The following GLB1L2 variants were observed in gnomAD, a reference collection of about 807,000 sequenced individuals.
GLB1L2 encodes beta-galactosidase-1-like protein 2.
Under a neutral mutation model 84.1 loss-of-function variants are expected in GLB1L2, and 68 were observed. The ratio of observed to expected loss-of-function variants is 0.81; its 90% CI spans 0.67 to 0.99. The LOEUF is 0.99. Ranked by LOEUF, GLB1L2 falls within the 50% of genes least tolerant of loss-of-function variation. The pLI is 0.00. For synonymous variants in GLB1L2, 290 were observed against 318.0 expected, an observed-to-expected ratio of 0.91 and a Z score of 0.94; for missense variants, 762 against 805.6, an observed-to-expected ratio of 0.95 and a Z score of 0.66.
chr11:134,332,176 C>G, intron 1 of GLB1L2, 29 bp downstream of exon 1: 2 of 1,447,734 alleles, frequency 1.4e-6, no homozygotes, highest in Non-Finnish European at 1.9e-6. Context: ...CAGCACCTGC[C>G]GGACCCCACA....
intron 1 of GLB1L2, among the ~76,000 whole-genome samples, 180 bp downstream of exon 1, chr11:134,332,327 C>T (rs952816554): frequency 9.9e-5 from 15 of 152,132 alleles, no homozygotes; most frequent in Non-Finnish European, 1.8e-4. Flanking sequence ...CACTCTACTC[C>T]TGCCGCGCGA....
At chr11:134,345,611 C>T (rs1344586026) in intron 4 of GLB1L2, among the ~76,000 whole-genome samples, 2 of 152,194 alleles carry the variant, frequency 1.3e-5, no homozygotes, top group Non-Finnish European at 2.9e-5. Context: ...GCTAGGGTTA[C>T]AGGTGTGTGC....
Position 134,370,963 on chromosome 11 carries a change from C to G in GLB1L2, c.1216-45C>G, listed in dbSNP as rs576989699. 14 of 1,608,860 alleles carry G rather than the reference C, an allele frequency of 8.7e-6. No individual in the cohort carries two copies. In the South Asian group the frequency reaches 1.6e-4, roughly 18 times the overall value. ...CCCAGGCAGAGTCTGTCTGTGACCC[C>G]ACTCCTCCTGAGCCTGCCCACCCCT... On this transcript the variant is annotated intron_variant, in intron 12 of 18. Transcript: ENST00000535456. This position sits in a 1 kb window ranked among gnomAD's most constrained non-coding sequence, Gnocchi z 4.7.
chr11:134,341,280 C>T (rs765353068), intron 1 of GLB1L2, among the ~76,000 whole-genome samples: 2 of 152,108 alleles, frequency 1.3e-5, no homozygotes, highest in Non-Finnish European at 2.9e-5. Context: ...TGCATTTCTC[C>T]GGGACCCTCA....
intron 7 of GLB1L2, among the ~76,000 whole-genome samples, chr11:134,364,125 C>T (rs1370098622): frequency 7.2e-5 from 11 of 152,188 alleles, no homozygotes; most frequent in Non-Finnish European, 1.5e-5. Flanking sequence ...AAGTGATCCA[C>T]CTGCCTTAGC....
Position 134,370,965 on chromosome 11 carries a change from C to T in GLB1L2, c.1216-43C>T. Reference sequence around the variant, plus strand: ...CAGGCAGAGTCTGTCTGTGACCCCACTCCTCCTGAGCCTGCCCACCCCTCC... The same window carrying T: ...CAGGCAGAGTCTGTCTGTGACCCCATTCCTCCTGAGCCTGCCCACCCCTCC... On this transcript the variant is annotated intron_variant, in intron 12 of 18. Coordinates refer to ENST00000535456, the MANE Select transcript of GLB1L2 (RefSeq NM_001370461.1). The surrounding 1 kb of genome is among the most constrained non-coding windows in gnomAD (Gnocchi z 4.7). 1 of 1,609,602 alleles carries T rather than the reference C, an allele frequency of 6.2e-7. No individual in the cohort carries two copies. Among genetic ancestry groups the T allele is most frequent in the South Asian group, 1.1e-5 (1 of 90,074 alleles).
At chr11:134,332,181 C>T (rs1291524860) in intron 1 of GLB1L2, 34 bp downstream of exon 1, 2 of 1,411,096 alleles carry the variant, frequency 1.4e-6, no homozygotes, top group Admixed American at 2.1e-5. Flanking sequence ...CCTGCCGGAC[C>T]CCACATTCCC....
intron 3 of GLB1L2, among the ~76,000 whole-genome samples, chr11:134,344,809 G>C (rs1383626375): frequency 6.6e-6 from 1 of 152,260 alleles, no homozygotes; most frequent in African/African-American, 2.4e-5. Context: ...CTGAGCCCTG[G>C]GTGTCACCCT....
At chr11:134,332,343 G>T (rs959458727) in intron 1 of GLB1L2, among the ~76,000 whole-genome samples, 196 bp downstream of exon 1, 1 of 152,092 alleles carries the variant, frequency 6.6e-6, no homozygotes, top group Non-Finnish European at 1.5e-5. Flanking sequence ...CGCGATCCAG[G>T]CCTCTGGGCG....
intron 1 of GLB1L2, among the ~76,000 whole-genome samples, chr11:134,337,996 T>C (rs935044479): frequency 1.3e-5 from 2 of 152,196 alleles, no homozygotes; most frequent in African/African-American, 4.8e-5. Flanking sequence ...CAAGGACTTA[T>C]GTTCTGGGAA....
chr11:134,340,444 G>A (rs1486547379), intron 1 of GLB1L2, among the ~76,000 whole-genome samples: 1 of 152,166 alleles, frequency 6.6e-6, no homozygotes, highest in African/African-American at 2.4e-5. Flanking sequence ...CCTGTGTTGC[G>A]GCGGGCAGGT....
intron 13 of GLB1L2, 30 bp from the exon 14 acceptor site, chr11:134,371,391 A>T (rs781230080): frequency 1.4e-6 from 2 of 1,425,310 alleles, no homozygotes; most frequent in South Asian, 2.3e-5. Context: ...CCTGTTGGTC[A>T]TGGATGTTCC....
chr11:134,344,801 G>A (rs566082704), intron 3 of GLB1L2, among the ~76,000 whole-genome samples: 1 of 152,382 alleles, frequency 6.6e-6, no homozygotes, highest in East Asian at 1.9e-4. Context: ...TGAGACCACT[G>A]AGCCCTGGGT....
intron 5 of GLB1L2, among the ~76,000 whole-genome samples, chr11:134,353,951 T>C (rs557453830): frequency 3.9e-4 from 59 of 152,206 alleles, no homozygotes; most frequent in Non-Finnish European, 6.0e-4. Context: ...GTCTTGTAGA[T>C]AGTATATAGT....
Position 134,373,719 on chromosome 11 carries a change from A to T in GLB1L2, c.1508-2A>T, listed in dbSNP as rs937623698. On this transcript the variant is annotated splice_acceptor_variant, in intron 15 of 18. Coordinates refer to ENST00000535456, the MANE Select transcript of GLB1L2 (RefSeq NM_001370461.1). LOFTEE classifies it high-confidence loss of function. ...CCCACGTGTCCTGCCTCCCTCCCAC[A>T]GGCTTAATTGGAAATCTCTATCTGA... 2 of 1,606,444 alleles carry T rather than the reference A, an allele frequency of 1.2e-6. No homozygotes were observed. Among genetic ancestry groups the T allele is most frequent in the African/African-American group, 1.3e-5 (1 of 74,870 alleles).
rs1448375582 is a variant in GLB1L2 at position 134,368,924 on chromosome 11, A to C, written c.1027+143A>C. 7.0e-6 allele frequency: 6 copies of C among 852,180 alleles called. No homozygotes were observed. In the East Asian group the frequency reaches 1.6e-4, roughly 23 times the overall value. The allele number at this position is 852,180 out of a possible 1,614,324, so 52.8% of individuals were successfully genotyped here. A position where few individuals can be genotyped will look rare whatever the true frequency, so the allele number is the denominator to read the frequency against. Reference sequence around the variant, plus strand: ...ACCTGGAGAAGGTACTTGCCTGGACAGTCATGTTACACTCCCAGAGGAGGG... The same window carrying C: ...ACCTGGAGAAGGTACTTGCCTGGACCGTCATGTTACACTCCCAGAGGAGGG... On this transcript the variant is annotated intron_variant, in intron 10 of 18. Coordinates refer to ENST00000535456, the MANE Select transcript of GLB1L2 (RefSeq NM_001370461.1).
intron 1 of GLB1L2, among the ~76,000 whole-genome samples, chr11:134,335,165 A>G (rs192646067): frequency 9.9e-5 from 15 of 152,142 alleles, no homozygotes; most frequent in Non-Finnish European, 2.2e-4. Context: ...TATAGAAAGG[A>G]AAAGGAGGAG....
intron 1 of GLB1L2, among the ~76,000 whole-genome samples, chr11:134,332,637 G>A (rs1232666334): frequency 6.6e-6 from 1 of 152,166 alleles, no homozygotes; most frequent in East Asian, 1.9e-4. Context: ...GCCTGGCAGG[G>A]TCGTAAGAAC....
At chr11:134,351,629 G>C (rs1482280155) in intron 5 of GLB1L2, among the ~76,000 whole-genome samples, 2 of 152,194 alleles carry the variant, frequency 1.3e-5, no homozygotes, top group African/African-American at 4.8e-5. Context: ...ATAGGCATGA[G>C]CCACCATGCC....
Sources: gnomAD v4.1 joint callset for allele counts (sites outside exome capture counted in the v4.1 genomes callset) on GRCh38, gnomAD v4.1.1 for gene constraint, Gnocchi (gnomAD v3.1) non-coding constraint, MANE v1.5 for transcripts, NCBI Gene and HGNC (gene_info 2026-07-23, HGNC 2026-07-21) for gene names.